The following VAV2 variants were observed in gnomAD, a reference collection of about 807,000 sequenced individuals.
VAV2 encodes the protein guanine nucleotide exchange factor VAV2.
VAV2 carries 67 observed loss-of-function variants against 132.5 expected under a neutral mutation model. The ratio of observed to expected loss-of-function variants is 0.51; its 90% confidence interval spans 0.42 to 0.62. VAV2 has a LOEUF of 0.62. Among genes scored for constraint, VAV2 ranks in the 20% least tolerant of loss-of-function variants. The pLI is 0.00. For missense variants in VAV2, 938 were observed against 1,153.6 expected, an observed-to-expected ratio of 0.81 and a Z score of 2.71; for synonymous variants, 492 against 443.5, an observed-to-expected ratio of 1.11 and a Z score of -1.37.
At chr9:133,875,534 G>C (rs574901670) in intron 2 of VAV2, among the ~76,000 whole-genome samples, 1 of 152,338 alleles carries the variant, frequency 6.6e-6, no homozygotes, top group Non-Finnish European at 1.5e-5. Context: ...AGGAGGCGCA[G>C]GCCTATGATA....
rs902666283 is a variant in VAV2 at position 133,771,970 on chromosome 9, C to T, written c.2212G>A (p.Asp738Asn). ...CAGAAGTCACCTACCAGGAGGCTGT[C>T]GAATTTCTTGGCCTCTGTGATGTGG... ...WIHITEAKKF[D>N]SLLELVEYYQ... Residue 738 changes from aspartate to asparagine, a missense_variant, in exon 26 of 30, where the codon GAC (aspartate) becomes AAC (asparagine). Physicochemically the swap from Asp to Asn is conservative, Grantham distance 23. Transcript: ENST00000371850. The T allele has an allele frequency of 5.6e-6, 9 of 1,595,924 alleles. No homozygotes were observed. The highest frequency in any genetic ancestry group is 1.1e-5 in the South Asian group (1 of 90,350).
intron 2 of VAV2, among the ~76,000 whole-genome samples, chr9:133,915,026 G>A (rs1840027070): frequency 2.0e-5 from 3 of 152,098 alleles, no homozygotes; most frequent in South Asian, 2.1e-4. Context: ...AGGGAAGCAC[G>A]GGTGCTGTGT....
At chr9:133,984,530 T>C (rs146635747) in intron 1 of VAV2, among the ~76,000 whole-genome samples, 1 of 152,152 alleles carries the variant, frequency 6.6e-6, no homozygotes, top group African/African-American at 2.4e-5. Flanking sequence ...AAAGGATCCC[T>C]TGAGCCCAGG....
intron 3 of VAV2, among the ~76,000 whole-genome samples, chr9:133,848,304 A>AT (rs1837028599): frequency 1.4e-5 from 2 of 147,658 alleles, no homozygotes; most frequent in South Asian, 2.1e-4. Context: ...AAAAAAAAAA[A>AT]TCCAAAGCAA....
intron 8 of VAV2, 131 bp downstream of exon 8, chr9:133,807,127 C>T (rs41302913): frequency 0.032 from 34,058 of 1,067,360 alleles, 630 homozygotes; most frequent in Middle Eastern, 0.06. Flanking sequence ...CTCCTCCTTC[C>T]GGCCAGCACG....
chr9:133,870,732 A>G (rs10217798), intron 2 of VAV2, among the ~76,000 whole-genome samples: 24,135 of 138,584 alleles, frequency 0.17, 2,419 homozygotes, highest in African/African-American at 0.31. Flanking sequence ...CGGATGGATC[A>G]GCAGATGAGT....
At chr9:133,847,795 G>C (rs894822916) in intron 3 of VAV2, among the ~76,000 whole-genome samples, 2 of 152,326 alleles carry the variant, frequency 1.3e-5, no homozygotes, top group East Asian at 3.9e-4. Flanking sequence ...ACGCCTGGGA[G>C]GTGCTCAGCC....
intron 4 of VAV2, among the ~76,000 whole-genome samples, chr9:133,816,489 T>G (rs1835564344): frequency 6.6e-6 from 1 of 152,206 alleles, no homozygotes; most frequent in African/African-American, 2.4e-5. Context: ...TCATCTCAAG[T>G]TAATTTATGT....
At chr9:133,783,779 C>T (rs1440401516) in intron 18 of VAV2, among the ~76,000 whole-genome samples, 188 bp from the exon 19 acceptor site, 1 of 152,062 alleles carries the variant, frequency 6.6e-6, no homozygotes, top group Non-Finnish European at 1.5e-5. Flanking sequence ...CTTTCCCCTA[C>T]CTCCACCAGC....
intron 1 of VAV2, among the ~76,000 whole-genome samples, chr9:133,974,339 G>A (rs1434470283): frequency 6.6e-6 from 1 of 152,180 alleles, no homozygotes; most frequent in Non-Finnish European, 1.5e-5. Flanking sequence ...GGTGGTCCCA[G>A]AACGGCCCAC....
chr9:133,805,967 C>T (rs990122098), intron 9 of VAV2, 114 bp downstream of exon 9: 41 of 1,132,326 alleles, frequency 3.6e-5, no homozygotes, highest in Non-Finnish European at 4.5e-5. Context: ...CCAGAGGGGG[C>T]GGCCCCTGCC....
In VAV2 at chr9:133,809,120, C is replaced by T; in HGVS notation, c.586G>A (p.Asp196Asn). 3 of 1,613,946 alleles carry T rather than the reference C, an allele frequency of 1.9e-6. No homozygotes were observed. The highest frequency in any genetic ancestry group is 2.5e-6 in the Non-Finnish European group (3 of 1,179,940). ...RYMQKMGMTE[D>N]DKRNCCLLEI... ...AGCAGGCAGCAGTTCCTCTTGTCATCTTCAGTCATGCCCATTTTCTAGAGG... is the reference window on the plus strand; with the variant it reads ...AGCAGGCAGCAGTTCCTCTTGTCATTTTCAGTCATGCCCATTTTCTAGAGG... Residue 196 changes from aspartate to asparagine, a missense_variant, in exon 7 of 30, where the codon GAT becomes AAT. Asp to Asn is a conservative substitution (Grantham distance 23). Coordinates refer to ENST00000371850, the MANE Select transcript of VAV2 (RefSeq NM_001134398.2).
chr9:133,964,050 C>CATATATAT (rs757580734), intron 1 of VAV2, among the ~76,000 whole-genome samples: 6 of 84,878 alleles, frequency 7.1e-5, no homozygotes, highest in East Asian at 2.8e-4. Context: ...TATATATATA[C>CATATATAT]ATATATATAC....
intron 1 of VAV2, among the ~76,000 whole-genome samples, chr9:133,973,999 G>GC (rs368672657): frequency 6.6e-6 from 1 of 152,298 alleles, no homozygotes; most frequent in East Asian, 1.9e-4. Flanking sequence ...GAAGGTGGGG[G>GC]CTGGGGTGTT....
intron 13 of VAV2, 85 bp downstream of exon 13, chr9:133,791,698 C>T: frequency 8.3e-7 from 1 of 1,209,282 alleles, no homozygotes; most frequent in Non-Finnish European, 1.2e-6. Flanking sequence ...GCCCATGGAG[C>T]TCACTCAATA....
intron 1 of VAV2, among the ~76,000 whole-genome samples, chr9:133,983,776 C>A (rs1197464424): frequency 1.3e-5 from 2 of 152,038 alleles, no homozygotes; most frequent in African/African-American, 4.8e-5. Flanking sequence ...CTGTCACTAA[C>A]AGCCAGGGCT....
intron 2 of VAV2, among the ~76,000 whole-genome samples, chr9:133,898,254 G>A (rs1409111698): frequency 2.0e-5 from 3 of 152,124 alleles, no homozygotes; most frequent in African/African-American, 7.3e-5. Flanking sequence ...CTCCAAGGCT[G>A]AGTCCAGCGC....
rs116246156 is a variant in VAV2, at chr9:133,805,915, C to T, written c.836+166G>A. Among the ~76,000 whole-genome samples, 603 of 152,284 alleles carry T rather than the reference C, an allele frequency of 4.0e-3. 6 individuals carry two copies. Among genetic ancestry groups the T allele is most frequent in the African/African-American group, 0.014 (564 of 41,566 alleles). ...CACACCCTCTCCATCAACCAGGCTG[C>T]GGCTCGGGGTGGGTGGCATCCTCAA... On this transcript the variant is annotated intron_variant, in intron 9 of 29. Coordinates refer to ENST00000371850, the MANE Select transcript of VAV2 (RefSeq NM_001134398.2).
At chr9:133,925,940 T>C (rs1588379475) in intron 2 of VAV2, 1 of 148,242 alleles carries the variant, frequency 6.7e-6, no homozygotes, top group Non-Finnish European at 1.5e-5. Context: ...AATTAATGTC[T>C]TGGGGGCACT....
Sources: gnomAD v4.1 joint callset for allele counts (sites outside exome capture counted in the v4.1 genomes callset) on GRCh38, gnomAD v4.1.1 for gene constraint, MANE v1.5 for transcripts, NCBI Gene and HGNC (gene_info 2026-07-23, HGNC 2026-07-21) for gene names.